CAMTA1: variants seen among roughly 807,000 people sequenced by gnomAD.
The protein encoded by CAMTA1 is calmodulin binding transcription activator 1, also known as calmodulin-binding transcription activator 1.
In CAMTA1, 27 loss-of-function variants were observed where a neutral mutation model predicts 170.9. That is an observed-to-expected ratio of 0.16 (90% CI 0.12 to 0.22). The LOEUF (loss-of-function observed/expected upper bound fraction) is 0.22. Among genes scored for constraint, CAMTA1 ranks in the 10% least tolerant of loss-of-function variants. The pLI is 1.00. For missense variants in CAMTA1, 1,619 were observed against 2,217.2 expected (o/e 0.73, Z 5.42); for synonymous variants, 833 against 891.5 (o/e 0.93, Z 1.17).
At chr1:7,506,534 C>G (rs190801756) in intron 6 of CAMTA1, among the ~76,000 whole-genome samples, 62 of 152,200 alleles carry the variant, frequency 4.1e-4, no homozygotes, top group African/African-American at 1.3e-3. Context: ...CTCATACTCA[C>G]CCTTATAATG....
chr1:7,468,279 C>T (rs1458518207), intron 6 of CAMTA1, among the ~76,000 whole-genome samples: 6 of 152,180 alleles, frequency 3.9e-5, no homozygotes, highest in Non-Finnish European at 7.3e-5. Flanking sequence ...GGGTTAGTTA[C>T]AAGGCACATG....
At chr1:6,964,317 C>T (rs1468358443) in intron 3 of CAMTA1, among the ~76,000 whole-genome samples, 4 of 151,394 alleles carry the variant, frequency 2.6e-5, no homozygotes, top group African/African-American at 9.7e-5. Context: ...GTCCTCGGTG[C>T]CCCCGGAGGG....
chr1:7,630,054 C>T (rs907322657), intron 6 of CAMTA1, among the ~76,000 whole-genome samples: 2 of 152,220 alleles, frequency 1.3e-5, no homozygotes, highest in African/African-American at 4.8e-5. Flanking sequence ...GAGATTTTAT[C>T]GGACATGTCT....
At chr1:7,118,896 T>C (rs1201211400) in intron 4 of CAMTA1, among the ~76,000 whole-genome samples, 12 of 152,202 alleles carry the variant, frequency 7.9e-5, no homozygotes. Context: ...TAACAAGCTG[T>C]GTTTGTCAGA....
At chr1:7,717,418 T>C (rs2096618807) in intron 11 of CAMTA1, among the ~76,000 whole-genome samples, 1 of 152,182 alleles carries the variant, frequency 6.6e-6, no homozygotes, top group Non-Finnish European at 1.5e-5. Flanking sequence ...CATCAGGTTG[T>C]ATGCAATAAA....
chr1:6,993,827 TTAGTC>T (rs1696770061), intron 3 of CAMTA1, among the ~76,000 whole-genome samples: 1 of 152,186 alleles, frequency 6.6e-6, no homozygotes, highest in South Asian at 2.1e-4. Flanking sequence ...ACTGGAGTGT[TTAGTC>T]TATTTATATT....
intron 4 of CAMTA1, among the ~76,000 whole-genome samples, chr1:7,176,174 C>T (rs1290366244): frequency 6.6e-6 from 1 of 152,236 alleles, no homozygotes; most frequent in Non-Finnish European, 1.5e-5. Flanking sequence ...ATGTGATGAG[C>T]TGCCCCTGCT....
intron 22 of CAMTA1, among the ~76,000 whole-genome samples, chr1:7,761,561 G>T (rs992697973): frequency 2.0e-5 from 3 of 152,112 alleles, no homozygotes; most frequent in Non-Finnish European, 4.4e-5. Context: ...CATAACAAAA[G>T]TTTATCATGC....
At chr1:7,366,865 C>T (rs967786631) in intron 5 of CAMTA1, among the ~76,000 whole-genome samples, 1 of 152,204 alleles carries the variant, frequency 6.6e-6, no homozygotes, top group Non-Finnish European at 1.5e-5. Context: ...TCTGATACAG[C>T]TCATCTGTCT....
chr1:7,211,960 A>G (rs1214120598), intron 4 of CAMTA1, among the ~76,000 whole-genome samples: 2 of 152,156 alleles, frequency 1.3e-5, no homozygotes, highest in Non-Finnish European at 2.9e-5. Flanking sequence ...ATCTTTCCAT[A>G]TGTGGCACTT....
chr1:7,292,534 C>G (rs1431144970), intron 5 of CAMTA1, among the ~76,000 whole-genome samples: 1 of 152,162 alleles, frequency 6.6e-6, no homozygotes, highest in East Asian at 1.9e-4. Flanking sequence ...GAAAGATGAT[C>G]CATACGGGTA....
At chr1:7,318,842 G>A (rs1018634972) in intron 5 of CAMTA1, among the ~76,000 whole-genome samples, 2 of 152,236 alleles carry the variant, frequency 1.3e-5, no homozygotes, top group Non-Finnish European at 2.9e-5. Context: ...GAACATGCAC[G>A]TGCCTCTGGG....
chr1:7,373,802 G>A (rs1298115768), intron 5 of CAMTA1, among the ~76,000 whole-genome samples: 12 of 152,252 alleles, frequency 7.9e-5, no homozygotes, highest in South Asian at 4.2e-4. Context: ...TGTTCTCAGT[G>A]CATGGAATCT....
At chr1:6,977,029 A>G (rs936399533) in intron 3 of CAMTA1, among the ~76,000 whole-genome samples, 2 of 152,202 alleles carry the variant, frequency 1.3e-5, no homozygotes, top group Non-Finnish European at 2.9e-5. Flanking sequence ...CTCCCTAGCC[A>G]TGTGGAACTG....
At position 7,708,377 on chromosome 1, in the gene CAMTA1, A is replaced by G. The variant is rs906384445; in HGVS notation, c.2915-24071A>G. Among the ~76,000 whole-genome samples the G allele has an allele frequency of 3.3e-5, 5 of 152,048 alleles. No homozygotes were observed. The South Asian group carries it at 1.0e-3, about 32-fold the overall frequency. On this transcript the variant is annotated intron_variant, in intron 11 of 22. Transcript: ENST00000303635. Reference sequence around the variant, plus strand: ...GCCAGGCGTGGTGGCTTTCACCTCTAATCTCTGCACTTTGGGAGGCCAAGG... The same window carrying G: ...GCCAGGCGTGGTGGCTTTCACCTCTGATCTCTGCACTTTGGGAGGCCAAGG...
At chr1:7,370,095 T>G (rs887374864) in intron 5 of CAMTA1, 2 of 152,430 alleles carry the variant, frequency 1.3e-5, no homozygotes, top group Non-Finnish European at 2.9e-5. Flanking sequence ...ACAGCAGCAA[T>G]CACAGTCACA....
chr1:6,824,836 C>T (rs537164839), intron 2 of CAMTA1, among the ~76,000 whole-genome samples: 6 of 152,168 alleles, frequency 3.9e-5, no homozygotes, highest in African/African-American at 7.2e-5. Context: ...TGGGCAGCTG[C>T]GGGGATTTTC....
At chr1:7,118,800 G>A (rs909116793) in intron 4 of CAMTA1, among the ~76,000 whole-genome samples, 1 of 152,194 alleles carries the variant, frequency 6.6e-6, no homozygotes, top group South Asian at 2.1e-4. Flanking sequence ...GTGTGTCAGG[G>A]ACTGAGGCAG....
At chr1:7,181,868 C>A (rs1321417092) in intron 4 of CAMTA1, among the ~76,000 whole-genome samples, 1 of 151,930 alleles carries the variant, frequency 6.6e-6, no homozygotes, top group Non-Finnish European at 1.5e-5. Flanking sequence ...TACTTAAGTT[C>A]ATATGAAAAG....
Sources: allele counts gnomAD v4.1 joint callset (sites outside exome capture counted in the v4.1 genomes callset), GRCh38; gene constraint gnomAD v4.1.1; transcripts MANE v1.5; gene names NCBI Gene and HGNC (gene_info 2026-07-23, HGNC 2026-07-21).